The following CWF19L2 variants were observed in gnomAD, a reference collection of about 807,000 sequenced individuals.
CWF19L2 encodes CWF19-like protein 2.
CWF19L2 carries 98 observed loss-of-function variants against 111.7 expected under a neutral mutation model. The ratio of observed to expected loss-of-function variants is 0.88; its 90% CI spans 0.75 to 1.04. The LOEUF is 1.04. Among genes scored for constraint, CWF19L2 ranks in the 50% least tolerant of loss-of-function variants. The pLI is 0.00. For missense variants in CWF19L2, 1,101 were observed against 1,051.4 expected (o/e 1.05, Z -0.65); for synonymous variants, 351 against 342.9 (o/e 1.02, Z -0.26).
intron 16 of CWF19L2, among the ~76,000 whole-genome samples, chr11:107,330,680 AC>A: frequency 7.2e-6 from 1 of 138,880 alleles, no homozygotes; most frequent in Non-Finnish European, 1.6e-5. Flanking sequence ...ACACACACAC[AC>A]ACACACACTT....
chr11:107,427,890 C>T (rs1302774907), intron 8 of CWF19L2, among the ~76,000 whole-genome samples: 1 of 152,036 alleles, frequency 6.6e-6, no homozygotes, highest in Non-Finnish European at 1.5e-5. Flanking sequence ...CCGAAAATTA[C>T]ACACTGAGTT....
chr11:107,403,745 C>T, intron 10 of CWF19L2: 2 of 882,646 alleles, frequency 2.3e-6, no homozygotes, highest in Non-Finnish European at 1.9e-6. Context: ...CTGCTTTTTG[C>T]CGGTCTGTTC....
chr11:107,409,244 A>G (rs185122611), intron 10 of CWF19L2, among the ~76,000 whole-genome samples: 1 of 152,236 alleles, frequency 6.6e-6, no homozygotes, highest in Admixed American at 6.5e-5. Context: ...TCAAACTACT[A>G]CTGGAAATAC....
In CWF19L2 at chr11:107,390,091, T is replaced by A; in HGVS notation, c.1855A>T (p.Met619Leu). The A allele has an allele frequency of 6.2e-7, 1 of 1,612,748 alleles. No individual in the cohort carries two copies. ...GTAENQNKLF[M>L]RMASKFMGKT... ...TATCTTACCTTAGATGCCATTCTCA[T>A]AAAGAGCTTGTTTTGATTTTCTGCT... The change falls in exon 12 of 18, where the codon ATG (methionine) becomes TTG (leucine). Residue 619 changes from methionine (M) to leucine (L), a missense_variant. Transcript: ENST00000282251.
intron 10 of CWF19L2, among the ~76,000 whole-genome samples, chr11:107,402,903 A>AT (rs60700487): frequency 6.3e-5 from 8 of 127,716 alleles, no homozygotes; most frequent in East Asian, 2.1e-4. Context: ...ATATATATAT[A>AT]ATGGAATACT....
At chr11:107,387,621 G>A (rs1362101552) in intron 12 of CWF19L2, among the ~76,000 whole-genome samples, 2 of 152,120 alleles carry the variant, frequency 1.3e-5, no homozygotes, top group Non-Finnish European at 2.9e-5. Context: ...CAGGGTGGCA[G>A]GGCAGTGGTG....
chr11:107,442,902 A>AAGGAAGGT, intron 4 of CWF19L2, 37 bp downstream of exon 4: 2 of 1,307,924 alleles, frequency 1.5e-6, no homozygotes. Context: ...GGAAGGAAGG[A>AAGGAAGGT]AGAAAGCAAG....
rs1372363900 is a variant in CWF19L2 at position 107,333,935 on chromosome 11, A to G, written c.2439+946T>C. 3.9e-5 allele frequency among the ~76,000 whole-genome samples: 6 copies of G among 152,340 alleles called. No individual in the cohort carries two copies. The East Asian group carries it at 1.2e-3, about 29-fold the overall frequency. ...GCTTCGCAGGTCATACGTTCTCTGT[A>G]GGGACTACTCAAATCTGCCCTTGTA... On this transcript the variant is annotated intron_variant, in intron 16 of 17. Transcript: ENST00000282251.
chr11:107,388,144 C>T (rs1454988020), intron 12 of CWF19L2, among the ~76,000 whole-genome samples: 1 of 152,188 alleles, frequency 6.6e-6, no homozygotes, highest in Non-Finnish European at 1.5e-5. Flanking sequence ...CCCTCAGCAA[C>T]ACTCTGTTGA....
At chr11:107,372,883 G>A (rs1860533290) in intron 12 of CWF19L2, among the ~76,000 whole-genome samples, 1 of 129,686 alleles carries the variant, frequency 7.7e-6, no homozygotes, top group Non-Finnish European at 1.6e-5. Flanking sequence ...ACTAGGGAGT[G>A]CCAGACAGTG....
At chr11:107,423,659 G>C (rs895042719) in intron 8 of CWF19L2, among the ~76,000 whole-genome samples, 1 of 151,842 alleles carries the variant, frequency 6.6e-6, no homozygotes, top group African/African-American at 2.4e-5. Flanking sequence ...TATTTACGCA[G>C]TATTTCTACA....
At chr11:107,399,800 T>C (rs532529336) in intron 10 of CWF19L2, among the ~76,000 whole-genome samples, 15 of 152,262 alleles carry the variant, frequency 9.9e-5, no homozygotes, top group African/African-American at 2.9e-4. Context: ...TTCTCCAAGA[T>C]AGACCATTTG....
At chr11:107,407,579 G>A (rs1861097494) in intron 10 of CWF19L2, among the ~76,000 whole-genome samples, 1 of 151,914 alleles carries the variant, frequency 6.6e-6, no homozygotes, top group Non-Finnish European at 1.5e-5. Flanking sequence ...TAGAGTTAGT[G>A]AGAAAAAAAT....
intron 10 of CWF19L2, among the ~76,000 whole-genome samples, chr11:107,410,148 T>C (rs1231955071): frequency 6.6e-6 from 1 of 152,282 alleles, no homozygotes; most frequent in South Asian, 2.1e-4. Context: ...TTCTTCGCTG[T>C]TCAAGCGTTC....
At chr11:107,331,179 G>C (rs1419488475) in intron 16 of CWF19L2, among the ~76,000 whole-genome samples, 1 of 151,976 alleles carries the variant, frequency 6.6e-6, no homozygotes, top group Non-Finnish European at 1.5e-5. Context: ...TTGACTATTA[G>C]GAAAAAACAA....
At chr11:107,403,938 G>C in intron 10 of CWF19L2, 1 of 884,024 alleles carries the variant, frequency 1.1e-6, no homozygotes. Context: ...TGGACCTGTC[G>C]TTTAAGGACC....
intron 12 of CWF19L2, among the ~76,000 whole-genome samples, chr11:107,372,629 T>A (rs1485340433): frequency 7.3e-6 from 1 of 136,440 alleles, no homozygotes; most frequent in Non-Finnish European, 1.6e-5. Flanking sequence ...GAGATGCACA[T>A]TTTGAACAAA....
intron 10 of CWF19L2, among the ~76,000 whole-genome samples, chr11:107,396,348 TA>T (rs1277317869): frequency 6.6e-6 from 1 of 152,184 alleles, no homozygotes; most frequent in Non-Finnish European, 1.5e-5. Context: ...CTTTTTATTT[TA>T]AAAACATCAA....
Position 107,418,196 on chromosome 11 carries a change from T to G in CWF19L2, c.1525A>C (p.Met509Leu). The G allele has an allele frequency of 1.3e-6, 2 of 1,577,084 alleles. No homozygotes were observed. Among genetic ancestry groups the G allele is most frequent in the Non-Finnish European group, 1.7e-6 (2 of 1,146,246 alleles). ...AAAGCAACATCTAAGAGTCTTACCA[T>G]ATTCCCCATCATCTCTGCTTTGATA... Reference protein sequence around the residue: ...KIIKAEMMGNMELAEQLKVQL... With the variant: ...KIIKAEMMGNLELAEQLKVQL... Residue 509 changes from methionine to leucine, a missense_variant and splice_region_variant, in exon 9 of 18, where the codon ATG becomes CTG. By Grantham distance (15) the Met-to-Leu change is conservative (BLOSUM62 2). Coordinates refer to ENST00000282251, the MANE Select transcript of CWF19L2 (RefSeq NM_152434.3).
Sources: gnomAD v4.1 joint callset for allele counts (sites outside exome capture counted in the v4.1 genomes callset) on GRCh38, gnomAD v4.1.1 for gene constraint, MANE v1.5 for transcripts, NCBI Gene and HGNC (gene_info 2026-07-23, HGNC 2026-07-21) for gene names.